Variants in SVIL observed in about 807,000 individuals in gnomAD.
SVIL encodes archvillin.
Under a neutral mutation model 240.4 loss-of-function variants are expected in SVIL, and 101 were observed. That is an observed-to-expected ratio of 0.42 (90% CI 0.36 to 0.50). The LOEUF (loss-of-function observed/expected upper bound fraction) is 0.50, where lower values mean the gene tolerates loss of function less well. Among genes scored for constraint, SVIL ranks in the 20% least tolerant of loss-of-function variants. The pLI is 0.01. For synonymous variants in SVIL, 999 were observed against 1,100.0 expected, an observed-to-expected ratio of 0.91 and a Z score of 1.82; for missense variants, 2,512 against 2,818.7, an observed-to-expected ratio of 0.89 and a Z score of 2.46.
At chr10:29,642,980 C>T (rs1169433278) in intron 3 of SVIL, among the ~76,000 whole-genome samples, 2 of 152,192 alleles carry the variant, frequency 1.3e-5, no homozygotes, top group African/African-American at 4.8e-5. Flanking sequence ...GCCACTGCAC[C>T]CGGCCGCTCT....
At position 29,695,466 on chromosome 10, in the gene SVIL, C is replaced by T. The variant is rs1961855099; in HGVS notation, c.-399-8815G>A. Among the ~76,000 whole-genome samples, 12 of 152,122 alleles carry T rather than the reference C, an allele frequency of 7.9e-5. No individual in the cohort carries two copies. The South Asian group carries it at 2.5e-3, about 32-fold the overall frequency. ...AATTTTAAAAAATTTAAAAAATAGC[C>T]CAGGCGTGGTGGCTCACGCCTGTAA... On this transcript the variant is annotated intron_variant, in intron 1 of 35. Coordinates refer to the SVIL transcript ENST00000375400.
intron 1 of SVIL, among the ~76,000 whole-genome samples, chr10:29,689,315 C>T (rs936722342): frequency 6.6e-5 from 10 of 151,982 alleles, no homozygotes; most frequent in East Asian, 3.9e-4. Context: ...GACAGAGTCT[C>T]GCACTATCAC....
Position 29,531,258 on chromosome 10 carries a change from G to A in SVIL, c.2040C>T (p.Val680=), listed in dbSNP as rs748555767. The A allele has an allele frequency of 1.4e-5, 23 of 1,613,878 alleles. No homozygotes were observed. The highest frequency in any genetic ancestry group is 5.5e-5 in the South Asian group (5 of 91,012). The change falls in exon 10 of 38, where the codon GTC becomes GTT. Residue 680 remains valine (V), a synonymous_variant. Coordinates refer to ENST00000355867, the MANE Select transcript of SVIL (RefSeq NM_021738.3). ...RCTSHSETPT[V]DDEEKVDERA... ...AAAAGGGAAACAGGTACTTGCCATC[G>A]ACAGTTGGCGTTTCTGAATGTGAAG...
intron 1 of SVIL, among the ~76,000 whole-genome samples, chr10:29,625,627 T>C (rs1463077789): frequency 2.6e-5 from 4 of 152,056 alleles, no homozygotes. Context: ...CCATGCCCGA[T>C]AATTTTTTGT....
rs1369214193 is a variant in SVIL at position 29,516,243 on chromosome 10, G to A, written c.3390-3382C>T. Among the ~76,000 whole-genome samples the A allele has an allele frequency of 2.0e-5, 3 of 152,272 alleles. No individual in the cohort carries two copies. In the East Asian group the frequency reaches 5.8e-4, roughly 29 times the overall value. ...ATTTTGCTTCTACATGTGCTGGCAG[G>A]GTTACCATTGGGGACTTCCGAAGAC... is the stretch of plus-strand genomic sequence containing the variant. On this transcript the variant is annotated intron_variant, in intron 16 of 37. Transcript: ENST00000355867.
rs1946658250 is a variant in SVIL at position 29,480,048 on chromosome 10, GCTCTCAGT to G, written c.5377+481_5377+488del. On this transcript the variant is annotated intron_variant, in intron 29 of 37. Coordinates refer to ENST00000355867, the MANE Select transcript of SVIL (RefSeq NM_021738.3). ...ACCAGACCCACAAAGCACCACCCGT[GCTCTCAGT>G]CTCGGGAGAAACAGCCTCTTTCACT... Among the ~76,000 whole-genome samples the G allele has an allele frequency of 3.9e-5, 6 of 152,306 alleles. No individual in the cohort carries two copies. In the South Asian group the frequency reaches 1.2e-3, roughly 32 times the overall value.
intron 16 of SVIL, among the ~76,000 whole-genome samples, chr10:29,515,315 C>T (rs778940911): frequency 3.3e-5 from 5 of 152,156 alleles, no homozygotes; most frequent in East Asian, 3.8e-4. Context: ...AGCTCTAATC[C>T]GCACCATTTC....
At chr10:29,515,754 C>A (rs376820909) in intron 16 of SVIL, among the ~76,000 whole-genome samples, 13 of 152,148 alleles carry the variant, frequency 8.5e-5, no homozygotes, top group African/African-American at 2.9e-4. Context: ...TCTTTGAAGA[C>A]CTTCTCAAAA....
rs1191336583 is a variant in SVIL, at chr10:29,697,604, G to C, written c.-399-10953C>G. Among the ~76,000 whole-genome samples the C allele has an allele frequency of 3.2e-5, 4 of 124,372 alleles. 1 individual carries two copies. The highest frequency in any genetic ancestry group is 1.4e-4 in the African/African-American group (4 of 28,262). 81.6% of individuals were successfully genotyped at this position (124,372 alleles called of 152,430 possible). A position where few individuals can be genotyped will look rare whatever the true frequency, so the allele number is the denominator to read the frequency against. On this transcript the variant is annotated intron_variant, in intron 1 of 35. Coordinates refer to the SVIL transcript ENST00000375400. ...GGTGCAAGATGTGCTTTGTTAAACA[G>C]ATGCTTGAAGGCAGCAGGCTCCTTA...
intron 2 of SVIL, among the ~76,000 whole-genome samples, chr10:29,686,031 C>A (rs1014115713): frequency 6.6e-6 from 1 of 152,102 alleles, no homozygotes; most frequent in Non-Finnish European, 1.5e-5. Context: ...ACCCATTGGC[C>A]CTAGGACCAA....
chr10:29,525,551 C>T (rs1265013191), intron 13 of SVIL, among the ~76,000 whole-genome samples: 1 of 152,158 alleles, frequency 6.6e-6, no homozygotes, highest in East Asian at 1.9e-4. Flanking sequence ...GAGGTAGAGG[C>T]TGCAGTGTGC....
At chr10:29,611,255 A>AT (rs972686179) in intron 1 of SVIL, among the ~76,000 whole-genome samples, 10 of 152,018 alleles carry the variant, frequency 6.6e-5, no homozygotes, top group Admixed American at 5.9e-4. Flanking sequence ...AAGCTTGTTC[A>AT]TTATCTTCAG....
chr10:29,477,348 A>T (rs1027692403), intron 29 of SVIL, among the ~76,000 whole-genome samples: 2 of 152,238 alleles, frequency 1.3e-5, no homozygotes, highest in African/African-American at 2.4e-5. Context: ...GGAACTAGAC[A>T]TCTATCAGGC....
intron 2 of SVIL, among the ~76,000 whole-genome samples, chr10:29,674,176 A>T (rs1014414643): frequency 6.6e-6 from 1 of 152,084 alleles, no homozygotes; most frequent in Admixed American, 6.5e-5. Context: ...ACAAAAAAAA[A>T]ATTAAAAAAT....
At chr10:29,548,657 C>G (rs1229254771) in intron 6 of SVIL, among the ~76,000 whole-genome samples, 1 of 152,164 alleles carries the variant, frequency 6.6e-6, no homozygotes, top group Non-Finnish European at 1.5e-5. Flanking sequence ...GATATACTTA[C>G]AGAACTAGGC....
In SVIL at chr10:29,529,809, T is replaced by C; in HGVS notation, c.2142A>G (p.Pro714=). 6.2e-7 allele frequency: 1 copy of C among 1,612,466 alleles called. No individual in the cohort carries two copies. The highest frequency in any genetic ancestry group is 2.2e-5 in the East Asian group (1 of 44,792). The change falls in exon 12 of 38, where the codon CCA becomes CCG. Residue 714 remains proline, a synonymous_variant. Coordinates refer to ENST00000355867, the MANE Select transcript of SVIL (RefSeq NM_021738.3). ...MEKSFDEQNV[P]KRRSRNTAVE... ...CAGCTGTGTTTCTTGAGCGTCGCTT[T>C]GGAACATTTTGTTCATCAAAAGATT... is the stretch of plus-strand genomic sequence containing the variant.
At chr10:29,499,473 T>C (rs903879550) in intron 17 of SVIL, among the ~76,000 whole-genome samples, 1 of 152,188 alleles carries the variant, frequency 6.6e-6, no homozygotes, top group Non-Finnish European at 1.5e-5. Context: ...GCTGTAACTT[T>C]AGATGAATGC....
intron 2 of SVIL, among the ~76,000 whole-genome samples, chr10:29,682,885 C>T (rs989292716): frequency 1.3e-5 from 2 of 152,084 alleles, no homozygotes; most frequent in Non-Finnish European, 2.9e-5. Context: ...ACTAAGGGCT[C>T]AAAGGTAGCA....
At chr10:29,526,305 C>CTTTT (rs36004446) in intron 13 of SVIL, among the ~76,000 whole-genome samples, 36 of 114,992 alleles carry the variant, frequency 3.1e-4, no homozygotes, top group Non-Finnish European at 4.7e-4. Flanking sequence ...TTTTCTCTTT[C>CTTTT]TTTTTTTTTT....
Sources: gnomAD v4.1 joint callset for allele counts (sites outside exome capture counted in the v4.1 genomes callset) on GRCh38, gnomAD v4.1.1 for gene constraint, MANE v1.5 for transcripts, NCBI Gene and HGNC (gene_info 2026-07-23, HGNC 2026-07-21) for gene names.